VWDE: variants seen among roughly 807,000 people sequenced by gnomAD.
The protein encoded by VWDE is von Willebrand factor D and EGF domain-containing protein.
A neutral mutation model predicts 178.4 loss-of-function variants in VWDE; 207 were observed. The ratio of observed to expected loss-of-function variants is 1.16; its 90% CI spans 1.04 to 1.30. The LOEUF is 1.30. VWDE is among the 50% of genes most tolerant of loss of function. The pLI, the probability that VWDE is intolerant of heterozygous loss-of-function variation, is 0.00. For missense variants in VWDE, 2,287 were observed against 1,901.3 expected (o/e 1.20, Z -3.77); for synonymous variants, 738 against 651.4 (o/e 1.13, Z -2.02).
intron 19 of VWDE, 105 bp downstream of exon 19, chr7:12,351,468 A>G (rs1041282254): frequency 1.6e-6 from 2 of 1,229,780 alleles, no homozygotes; most frequent in Non-Finnish European, 2.2e-6. Flanking sequence ...CCTTTAGGTG[A>G]TCTTTCTAAA....
intron 17 of VWDE, 85 bp from the exon 18 acceptor site, chr7:12,356,415 T>G: frequency 9.9e-7 from 1 of 1,008,568 alleles, no homozygotes; most frequent in East Asian, 2.6e-5. Context: ...CAGTCATGTA[T>G]GTTTATGTAC....
intron 1 of VWDE, 77 bp from the exon 2 acceptor site, chr7:12,393,855 TC>T (rs926901548): frequency 1.8e-5 from 23 of 1,267,012 alleles, no homozygotes; most frequent in Non-Finnish European, 2.3e-5. Flanking sequence ...TAAAATTGAT[TC>T]CCAAAACAAA....
rs1369236558 is a variant in VWDE, at chr7:12,369,947, C to T, written c.2359G>A (p.Val787Ile). ...YFFPEDHAED[V>I]QQEFFPSWPT... ...CAAGAGGGGAAAAACTCTTGCTGTA[C>T]ATCCTCAGCATGGTCCTCTGGGAAA... The change falls in exon 12 of 29, where the codon GTA becomes ATA. Residue 787 changes from valine to isoleucine, a missense_variant. Physicochemically the swap from Val to Ile is conservative, Grantham distance 29. Transcript: ENST00000275358. 4 of 1,551,382 alleles carry T rather than the reference C, an allele frequency of 2.6e-6. No individual in the cohort carries two copies. Among genetic ancestry groups the T allele is most frequent in the African/African-American group, 1.4e-5 (1 of 73,022 alleles).
Position 12,379,525 on chromosome 7 carries a change from A to C in VWDE, c.831T>G (p.His277Gln), listed in dbSNP as rs942176297. Residue 277 changes from histidine (H) to glutamine (Q), a missense_variant, in exon 6 of 29, where the codon CAT becomes CAG. By Grantham distance (24) the His-to-Gln change is conservative. Transcript: ENST00000275358. ...GGCTTTCGATGGCTACACTTTGTAC[A>C]TGAGGATTCTCCAAGAAAAAGACAG... Reference protein sequence around the residue: ...SASVFFLENPHVQSVAIESQE... With the variant: ...SASVFFLENPQVQSVAIESQE... 6.4e-6 allele frequency: 10 copies of C among 1,550,798 alleles called. No individual in the cohort carries two copies. In the Admixed American group the frequency reaches 1.4e-4, roughly 21 times the overall value.
intron 19 of VWDE, 35 bp downstream of exon 19, chr7:12,351,538 C>T (rs768317814): frequency 6.6e-7 from 1 of 1,515,718 alleles, no homozygotes; most frequent in Non-Finnish European, 8.8e-7. Flanking sequence ...AGAGGAATTA[C>T]TTGTCATTAG....
chr7:12,399,370 A>T (rs945452307), intron 1 of VWDE, among the ~76,000 whole-genome samples: 2 of 152,210 alleles, frequency 1.3e-5, no homozygotes, highest in African/African-American at 4.8e-5. Flanking sequence ...TCAATCCGTG[A>T]GGAAGATAAA....
At chr7:12,374,512 T>C (rs1783400291) in intron 9 of VWDE, among the ~76,000 whole-genome samples, 177 bp downstream of exon 9, 3 of 152,078 alleles carry the variant, frequency 2.0e-5, no homozygotes, top group Non-Finnish European at 2.9e-5. Context: ...AAGAATTAGA[T>C]TTTAAGGCAA....
At chr7:12,399,962 C>T (rs974282168) in intron 1 of VWDE, among the ~76,000 whole-genome samples, 2 of 151,392 alleles carry the variant, frequency 1.3e-5, no homozygotes, top group African/African-American at 2.4e-5. Context: ...ATTAAACAAC[C>T]GAAATAATCA....
At chr7:12,385,725 C>T (rs995109207) in intron 3 of VWDE, among the ~76,000 whole-genome samples, 12 of 152,250 alleles carry the variant, frequency 7.9e-5, no homozygotes, top group Admixed American at 2.0e-4. Flanking sequence ...AAGTTCTAAA[C>T]GGTATTCCAA....
intron 2 of VWDE, among the ~76,000 whole-genome samples, chr7:12,393,011 C>T (rs1340253453): frequency 1.3e-5 from 2 of 152,096 alleles, no homozygotes; most frequent in African/African-American, 2.4e-5. Flanking sequence ...ATTGAATGTC[C>T]TGCAGGTACA....
chr7:12,364,308 C>T (rs1363990892), intron 13 of VWDE, among the ~76,000 whole-genome samples: 1 of 152,048 alleles, frequency 6.6e-6, no homozygotes, highest in Non-Finnish European at 1.5e-5. Flanking sequence ...GCACACCTTG[C>T]ACCCAAGTCT....
At position 12,369,651 on chromosome 7, in the gene VWDE, G is replaced by C. The variant is rs1211059885; in HGVS notation, c.2655C>G (p.Leu885=). 7 of 1,551,610 alleles carry C rather than the reference G, an allele frequency of 4.5e-6. No homozygotes were observed. Among genetic ancestry groups the C allele is most frequent in the African/African-American group, 2.7e-5 (2 of 73,100 alleles). ...EEYGTSIEDI[L]SVLKCPNLCS... is the part of the protein sequence containing the mutation. ...ATAAATTGGGGCATTTTAATACTGA[G>C]AGAATGTCTTCAATTGATGTGCCAT... The change falls in exon 12 of 29, where the codon CTC becomes CTG. Residue 885 remains leucine (L), a synonymous_variant. Coordinates refer to ENST00000275358, the MANE Select transcript of VWDE (RefSeq NM_001135924.3).
Position 12,340,420 on chromosome 7 carries a change from A to C in VWDE, c.4271-3T>G. 2 of 1,546,514 alleles carry C rather than the reference A, an allele frequency of 1.3e-6. No individual in the cohort carries two copies. The highest frequency in any genetic ancestry group is 1.7e-6 in the Non-Finnish European group (2 of 1,143,928). On this transcript the variant is annotated splice_region_variant and splice_polypyrimidine_tract_variant and intron_variant, in intron 23 of 28. Coordinates refer to ENST00000275358, the MANE Select transcript of VWDE (RefSeq NM_001135924.3). ...GAGGCAGACAGGGTCGCACAAAGCT[A>C]ATAAACAGCAGGAGGAAAAGAGAAC...
At chr7:12,385,880 C>T (rs1784071970) in intron 3 of VWDE, among the ~76,000 whole-genome samples, 1 of 152,064 alleles carries the variant, frequency 6.6e-6, no homozygotes, top group Admixed American at 6.6e-5. Flanking sequence ...TTATGAGGTA[C>T]TTTTGAGTGT....
chr7:12,331,492 G>A (rs61275641), intron 28 of VWDE, among the ~76,000 whole-genome samples: 2,390 of 152,062 alleles, frequency 0.016, 56 homozygotes, highest in African/African-American at 0.055. Context: ...ATATCCCTCA[G>A]GAAAAAACCA....
chr7:12,377,254 T>C (rs758870162), intron 7 of VWDE, among the ~76,000 whole-genome samples: 4 of 152,086 alleles, frequency 2.6e-5, no homozygotes, highest in Non-Finnish European at 5.9e-5. Flanking sequence ...ATCCATATAA[T>C]CAGTAATTGA....
chr7:12,377,645 T>A (rs1333923558), intron 7 of VWDE, 131 bp downstream of exon 7: 7 of 487,274 alleles, frequency 1.4e-5, no homozygotes, highest in Non-Finnish European at 2.0e-5. Context: ...GTAATATGAT[T>A]GGGCTAAAAT....
intron 1 of VWDE, among the ~76,000 whole-genome samples, chr7:12,396,842 G>T (rs568360187): frequency 6.6e-6 from 1 of 152,242 alleles, no homozygotes; most frequent in African/African-American, 2.4e-5. Flanking sequence ...GGCTGAGGCA[G>T]GAGAATCACT....
At chr7:12,366,760 CAT>C (rs1782880414) in intron 13 of VWDE, among the ~76,000 whole-genome samples, 1 of 152,022 alleles carries the variant, frequency 6.6e-6, no homozygotes, top group South Asian at 2.1e-4. Context: ...TTTTGAAATT[CAT>C]AGAGTCATCC....
Sources: allele counts gnomAD v4.1 joint callset (sites outside exome capture counted in the v4.1 genomes callset), GRCh38; gene constraint gnomAD v4.1.1; transcripts MANE v1.5; gene names NCBI Gene and HGNC (gene_info 2026-07-23, HGNC 2026-07-21).